Variants in HACE1 observed in about 807,000 individuals in gnomAD.
HACE1 encodes the protein E3 ubiquitin-protein ligase HACE1.
A neutral mutation model predicts 118.4 loss-of-function variants in HACE1; 73 were observed. That is an observed-to-expected ratio of 0.62 (90% CI 0.51 to 0.75). The LOEUF (loss-of-function observed/expected upper bound fraction) is 0.75, where lower values mean the gene tolerates loss of function less well. Among genes scored for constraint, HACE1 ranks in the 30% least tolerant of loss-of-function variants. The probability of loss-of-function intolerance (pLI) is 0.00; values close to 1 mark genes in which losing one functional copy is unlikely to be tolerated. For synonymous variants in HACE1, 368 were observed against 374.8 expected (o/e 0.98, Z 0.21); for missense variants, 749 against 1,102.2 (o/e 0.68, Z 4.54).
At chr6:104,789,407 A>C (rs1782767293) in intron 11 of HACE1, among the ~76,000 whole-genome samples, 1 of 152,156 alleles carries the variant, frequency 6.6e-6, no homozygotes, top group African/African-American at 2.4e-5. Context: ...ACCTTAAAAA[A>C]TGAAACAAAG....
intron 19 of HACE1, among the ~76,000 whole-genome samples, chr6:104,767,440 T>C (rs781232339): frequency 6.6e-5 from 10 of 152,142 alleles, no homozygotes; most frequent in Non-Finnish European, 1.2e-4. Context: ...CAAACCAAAA[T>C]GCCACAGCCT....
At chr6:104,751,145 T>C (rs1212076673) in intron 19 of HACE1, among the ~76,000 whole-genome samples, 1 of 152,188 alleles carries the variant, frequency 6.6e-6, no homozygotes, top group Non-Finnish European at 1.5e-5. Context: ...AAACACAAGC[T>C]TGTCCGGGCC....
At chr6:104,857,684 G>A (rs1776864377) in intron 1 of HACE1, among the ~76,000 whole-genome samples, 1 of 150,366 alleles carries the variant, frequency 6.7e-6, no homozygotes. Context: ...GGCGGGGCAC[G>A]GTGGCTCACG....
At chr6:104,794,923 T>C (rs1003093337) in intron 10 of HACE1, among the ~76,000 whole-genome samples, 8 of 151,920 alleles carry the variant, frequency 5.3e-5, no homozygotes, top group African/African-American at 1.9e-4. Context: ...TAATTGTATA[T>C]ATGTGTGTGT....
intron 17 of HACE1, among the ~76,000 whole-genome samples, chr6:104,775,887 C>A (rs1418392583): frequency 6.6e-6 from 1 of 152,120 alleles, no homozygotes; most frequent in East Asian, 1.9e-4. Flanking sequence ...ATGAAGCATT[C>A]TCTCCTGATA....
At chr6:104,737,974 G>T (rs1776120897) in intron 22 of HACE1, among the ~76,000 whole-genome samples, 1 of 152,200 alleles carries the variant, frequency 6.6e-6, no homozygotes, top group African/African-American at 2.4e-5. Flanking sequence ...CACGCAGCTG[G>T]AGATCTGAGA....
intron 20 of HACE1, among the ~76,000 whole-genome samples, chr6:104,747,248 G>C (rs1777529627): frequency 1.3e-5 from 2 of 152,044 alleles, no homozygotes; most frequent in African/African-American, 4.8e-5. Flanking sequence ...AGCTTACCTA[G>C]CATCACACGA....
intron 19 of HACE1, among the ~76,000 whole-genome samples, chr6:104,768,065 A>AAT (rs1159658077): frequency 1.3e-5 from 2 of 152,198 alleles, no homozygotes; most frequent in African/African-American, 2.4e-5. Flanking sequence ...ATGTGGAACT[A>AAT]ATATATATAC....
intron 1 of HACE1, among the ~76,000 whole-genome samples, chr6:104,854,030 T>C (rs999837952): frequency 6.6e-5 from 10 of 152,206 alleles, no homozygotes; most frequent in African/African-American, 2.4e-4. Context: ...CTCAAAATAT[T>C]GTGCTGTGCC....
chr6:104,751,709 G>T (rs1397238222), intron 19 of HACE1, among the ~76,000 whole-genome samples: 1 of 152,050 alleles, frequency 6.6e-6, no homozygotes, highest in Non-Finnish European at 1.5e-5. Flanking sequence ...TATACAGAGA[G>T]AGAAAGAGTA....
chr6:104,736,497 G>T lies in HACE1; in HGVS notation c.2514-6081C>A, dbSNP rs144210342. 3.2e-3 allele frequency among the ~76,000 whole-genome samples: 481 copies of T among 152,096 alleles called. 5 individuals are homozygous for T. Among genetic ancestry groups the T allele is most frequent in the Non-Finnish European group, 3.6e-3 (245 of 67,986 alleles). Reference sequence around the variant, plus strand: ...CGGTTTCGCCATGTTGCCCAGGCTGGTCCCAAACTCCTGAGCTCAAGTGAT... The same window carrying T: ...CGGTTTCGCCATGTTGCCCAGGCTGTTCCCAAACTCCTGAGCTCAAGTGAT... On this transcript the variant is annotated intron_variant, in intron 22 of 23. Coordinates refer to ENST00000262903, the MANE Select transcript of HACE1 (RefSeq NM_020771.4).
rs370049285 is a variant in HACE1 at position 104,745,455 on chromosome 6, C to CTTTTTTTTTTTTTTT, written c.2344-846_2344-845insAAAAAAAAAAAAAAA. On this transcript the variant is annotated intron_variant, in intron 20 of 23. Transcript: ENST00000262903. ...TGATGATTCAGAATATCAGGATTTCCTTTTTTTTTGAGACCGAGTCTGGCT... is the reference window on the plus strand; with the variant it reads ...TGATGATTCAGAATATCAGGATTTCCTTTTTTTTTTTTTTTTTTTTTTTTGAGACCGAGTCTGGCT... 6.8e-5 allele frequency among the ~76,000 whole-genome samples: 9 copies of CTTTTTTTTTTTTTTT among 131,978 alleles called. 1 individual carries two copies. The highest frequency in any genetic ancestry group is 2.1e-4 in the East Asian group (1 of 4,756). 86.6% of individuals were successfully genotyped at this position (131,978 alleles called of 152,430 possible).
chr6:104,771,436 C>T (rs1451402384), intron 18 of HACE1, 47 bp from the exon 19 acceptor site: 13 of 1,256,754 alleles, frequency 1.0e-5, no homozygotes, highest in Non-Finnish European at 1.5e-5. Context: ...TTTGCCTTCC[C>T]TTATCTATTT....
rs1781281493 is a variant in HACE1, at chr6:104,776,957, C to A, written c.1776+56G>T. ...TAAATATTAAACTTTATTCAAAAGGCATTTCAATCTTTCTTTACATACAGT... is the reference window on the plus strand; with the variant it reads ...TAAATATTAAACTTTATTCAAAAGGAATTTCAATCTTTCTTTACATACAGT... On this transcript the variant is annotated intron_variant, in intron 16 of 23. Coordinates refer to ENST00000262903, the MANE Select transcript of HACE1 (RefSeq NM_020771.4). The A allele has an allele frequency of 6.9e-6, 9 of 1,302,630 alleles. No homozygotes were observed. The South Asian group carries it at 9.5e-5, about 14-fold the overall frequency. The allele number at this position is 1,302,630 out of a possible 1,614,324, so 80.7% of individuals were successfully genotyped here.
chr6:104,798,871 T>A, intron 7 of HACE1, among the ~76,000 whole-genome samples: 1 of 152,230 alleles, frequency 6.6e-6, no homozygotes, highest in East Asian at 1.9e-4. Flanking sequence ...TTTAATGATA[T>A]CTCTTTTACA....
intron 19 of HACE1, among the ~76,000 whole-genome samples, chr6:104,769,774 A>G (rs61373987): frequency 2.2e-3 from 337 of 152,290 alleles, no homozygotes; most frequent in African/African-American, 7.8e-3. Flanking sequence ...ATGAGAGGGT[A>G]GAATTTAAAA....
chr6:104,793,438 A>G (rs1783279289), intron 10 of HACE1, among the ~76,000 whole-genome samples: 1 of 152,148 alleles, frequency 6.6e-6, no homozygotes, highest in Admixed American at 6.5e-5. Context: ...TCATAAATAT[A>G]TAGAAAGGAC....
In HACE1 at chr6:104,859,883, C is replaced by T; in HGVS notation, c.-241G>A. On this transcript the variant is annotated 5_prime_UTR_variant, in exon 1 of 24. Transcript: ENST00000262903. ...TCTGCTCGCGCCTTTCCTGCAGCCCCCGCCGCCGCGTCCCTCCCGGGCTCG... is the reference window on the plus strand; with the variant it reads ...TCTGCTCGCGCCTTTCCTGCAGCCCTCGCCGCCGCGTCCCTCCCGGGCTCG... The T allele has an allele frequency of 4.1e-6, 2 of 482,564 alleles. No individual in the cohort carries two copies. Among genetic ancestry groups the T allele is most frequent in the Non-Finnish European group, 7.3e-6 (2 of 273,718 alleles). The allele number at this position is 482,564 out of a possible 1,614,324, so 29.9% of individuals were successfully genotyped here.
chr6:104,833,211 G>C (rs1183904677), intron 5 of HACE1, 38 bp from the exon 6 acceptor site: 1 of 1,589,178 alleles, frequency 6.3e-7, no homozygotes, highest in Non-Finnish European at 8.6e-7. Flanking sequence ...TTGTGTAATA[G>C]TGTTTTATAT....
Sources: allele counts gnomAD v4.1 joint callset (sites outside exome capture counted in the v4.1 genomes callset), GRCh38; gene constraint gnomAD v4.1.1; transcripts MANE v1.5; gene names NCBI Gene and HGNC (gene_info 2026-07-23, HGNC 2026-07-21).